RBFOX1: variants seen among roughly 807,000 people sequenced by gnomAD.
RBFOX1 encodes the protein RNA binding fox-1 homolog 1, also known as RNA binding protein fox-1 homolog 1.
Under a neutral mutation model 57.7 loss-of-function variants are expected in RBFOX1, and 8 were observed. The ratio of observed to expected loss-of-function variants is 0.14; its 90% CI spans 0.08 to 0.25. The LOEUF (loss-of-function observed/expected upper bound fraction) is 0.25, where lower values mean the gene tolerates loss of function less well. Ranked by LOEUF, RBFOX1 falls within the 10% of genes least tolerant of loss-of-function variation. The probability of loss-of-function intolerance (pLI) is 1.00; values close to 1 mark genes in which losing one functional copy is unlikely to be tolerated. For missense variants in RBFOX1, 611 were observed against 548.5 expected (o/e 1.11, Z -1.14); for synonymous variants, 326 against 222.4 (o/e 1.47, Z -4.15).
Position 6,022,254 on chromosome 16 carries a change from G to GT in RBFOX1, c.-127+2275dup, listed in dbSNP as rs35357946. On this transcript the variant is annotated intron_variant, in intron 1 of 15. Coordinates refer to ENST00000550418, the MANE Select transcript of RBFOX1 (RefSeq NM_018723.4). ...ATGAAAGTATTACCTTAGCAAATCTGTTTTTTTTTTTTTAATTAGAACATC... is the reference window on the plus strand; with the variant it reads ...ATGAAAGTATTACCTTAGCAAATCTGTTTTTTTTTTTTTTAATTAGAACATC... Among the ~76,000 whole-genome samples the GT allele has an allele frequency of 4.5e-3, 668 of 149,388 alleles. 3 individuals are homozygous for GT. The highest frequency in any genetic ancestry group is 0.015 in the African/African-American group (591 of 40,676).
intron 5 of RBFOX1, among the ~76,000 whole-genome samples, chr16:7,547,341 A>G (rs537336941): frequency 2.6e-5 from 4 of 152,344 alleles, no homozygotes; most frequent in African/African-American, 4.8e-5. Flanking sequence ...CACTAACTCA[A>G]CAAGTGTATA....
chr16:5,912,903 C>G lies in RBFOX1; in HGVS notation c.351+45568C>G, dbSNP rs139183436. ...TGCCAGGAGCTTGTCCAGTTCTGGC[C>G]TCCAGACCCAAGAACAGAGGGGAGG... On this transcript the variant is annotated intron_variant, in intron 4 of 19. Coordinates refer to the RBFOX1 transcript ENST00000641259. Among the ~76,000 whole-genome samples, 647 of 152,228 alleles carry G rather than the reference C, an allele frequency of 4.3e-3. 8 individuals carry two copies. Among genetic ancestry groups the G allele is most frequent in the African/African-American group, 0.015 (627 of 41,540 alleles).
At chr16:5,958,677 G>A (rs574304745) in intron 4 of RBFOX1, among the ~76,000 whole-genome samples, 44 of 152,252 alleles carry the variant, frequency 2.9e-4, no homozygotes, top group African/African-American at 8.2e-4. Flanking sequence ...AGATCTGGAC[G>A]TCAAAAGTCT....
chr16:7,077,003 G>C (rs1449660770), intron 4 of RBFOX1, among the ~76,000 whole-genome samples: 1 of 152,076 alleles, frequency 6.6e-6, no homozygotes, highest in Non-Finnish European at 1.5e-5. Context: ...GAGAGAGGTG[G>C]GCAAAGACAT....
intron 2 of RBFOX1, among the ~76,000 whole-genome samples, chr16:6,641,134 G>A (rs866911525): frequency 2.6e-4 from 39 of 152,162 alleles, no homozygotes; most frequent in Admixed American, 7.2e-4. Context: ...AACCTTTAAT[G>A]AAGGTGCCTA....
At chr16:5,717,535 A>G (rs2051754346) in intron 3 of RBFOX1, among the ~76,000 whole-genome samples, 1 of 151,840 alleles carries the variant, frequency 6.6e-6, no homozygotes, top group African/African-American at 2.4e-5. Flanking sequence ...CCCAAAGTCC[A>G]TTTTTCATTC....
At position 6,899,661 on chromosome 16, in the gene RBFOX1, C is replaced by T. The variant is rs569584301; in HGVS notation, c.-15-152396C>T. ...GGAAGAATAAACGTCCATACCTCCT[C>T]AAGCAAGTGTCAATTGGAATTATCT... is the stretch of plus-strand genomic sequence containing the variant. On this transcript the variant is annotated intron_variant, in intron 3 of 15. Transcript: ENST00000550418. Among the ~76,000 whole-genome samples, 200 of 152,338 alleles carry T rather than the reference C, an allele frequency of 1.3e-3. 1 individual carries two copies. The highest frequency in any genetic ancestry group is 4.5e-3 in the African/African-American group (186 of 41,568).
intron 1 of RBFOX1, among the ~76,000 whole-genome samples, chr16:5,390,877 G>C (rs886727676): frequency 2.6e-5 from 4 of 152,182 alleles, no homozygotes; most frequent in African/African-American, 9.6e-5. Context: ...GGGAAAGCTA[G>C]GACCCACCCA....
intron 3 of RBFOX1, among the ~76,000 whole-genome samples, chr16:5,658,887 A>T (rs547603455): frequency 6.8e-6 from 1 of 147,872 alleles, no homozygotes. Context: ...ATATATATAT[A>T]TATCTCACAT....
Position 6,590,121 on chromosome 16 carries a change from A to AT in RBFOX1, c.-63-64476dup, listed in dbSNP as rs762483618. On this transcript the variant is annotated intron_variant, in intron 2 of 15. Transcript: ENST00000550418. ...ATGATAGCGTTTTGTAAGCATCACC[A>AT]TTTTTTCAGCGTTAAATACTCAGAA... Among the ~76,000 whole-genome samples the AT allele has an allele frequency of 2.9e-4, 44 of 152,264 alleles. 1 individual carries two copies. Among genetic ancestry groups the AT allele is most frequent in the Middle Eastern group, 3.4e-3 (1 of 294 alleles).
At chr16:5,417,000 G>GA (rs963666325) in intron 1 of RBFOX1, among the ~76,000 whole-genome samples, 1 of 152,090 alleles carries the variant, frequency 6.6e-6, no homozygotes. Flanking sequence ...CGCTGAAAAT[G>GA]AAAAAGTGTA....
At chr16:7,252,998 G>A (rs1264859370) in intron 4 of RBFOX1, among the ~76,000 whole-genome samples, 2 of 152,112 alleles carry the variant, frequency 1.3e-5, no homozygotes, top group African/African-American at 2.4e-5. Flanking sequence ...AGCATCTTGA[G>A]CCTCTGATAA....
chr16:5,481,049 C>T (rs1184875148), intron 2 of RBFOX1, among the ~76,000 whole-genome samples: 1 of 152,216 alleles, frequency 6.6e-6, no homozygotes, highest in Non-Finnish European at 1.5e-5. Flanking sequence ...TGTTATCCCA[C>T]ACAAGTCTAC....
chr16:5,296,992 A>T (rs900027503), intron 1 of RBFOX1, among the ~76,000 whole-genome samples: 2 of 151,924 alleles, frequency 1.3e-5, no homozygotes, highest in Non-Finnish European at 2.9e-5. Flanking sequence ...TTTAGATTCC[A>T]CATGTATTTG....
chr16:6,291,023 C>A (rs915715489), intron 1 of RBFOX1, among the ~76,000 whole-genome samples: 1 of 152,142 alleles, frequency 6.6e-6, no homozygotes, highest in African/African-American at 2.4e-5. Context: ...ATTATTCAGG[C>A]CTCCCCTTTT....
At chr16:6,405,130 C>G (rs750178266) in intron 2 of RBFOX1, among the ~76,000 whole-genome samples, 2 of 152,166 alleles carry the variant, frequency 1.3e-5, no homozygotes, top group Non-Finnish European at 2.9e-5. Flanking sequence ...AATTTGCACT[C>G]TACTCTATAA....
chr16:7,076,347 G>C (rs534099934), intron 4 of RBFOX1, among the ~76,000 whole-genome samples: 6 of 151,828 alleles, frequency 4.0e-5, no homozygotes, highest in Non-Finnish European at 5.9e-5. Context: ...TTTCTTTATG[G>C]TAGAATTAAG....
chr16:6,259,680 G>A (rs147772058), intron 1 of RBFOX1, among the ~76,000 whole-genome samples: 5 of 152,088 alleles, frequency 3.3e-5, no homozygotes, highest in African/African-American at 1.2e-4. Flanking sequence ...CACTGGGGCC[G>A]GGTGCAGTGG....
At chr16:6,861,481 A>ACCCCCCCCCCCCC (rs1412844949) in intron 3 of RBFOX1, among the ~76,000 whole-genome samples, 1 of 108,726 alleles carries the variant, frequency 9.2e-6, no homozygotes, top group Non-Finnish European at 2.1e-5. Flanking sequence ...TCCCCTCCCA[A>ACCCCCCCCCCCCC]CCCCCTCCCC....
Sources: gnomAD v4.1 joint callset for allele counts (sites outside exome capture counted in the v4.1 genomes callset) on GRCh38, gnomAD v4.1.1 for gene constraint, MANE v1.5 for transcripts, NCBI Gene and HGNC (gene_info 2026-07-23, HGNC 2026-07-21) for gene names.